Variants in ANK3 observed in about 807,000 individuals in gnomAD.
The protein encoded by ANK3 is ankyrin-3.
A neutral mutation model predicts 370.9 loss-of-function variants in ANK3; 57 were observed. The ratio of observed to expected loss-of-function variants is 0.15; its 90% CI spans 0.12 to 0.19. ANK3 has a LOEUF of 0.19. Ranked by LOEUF, ANK3 falls within the 10% of genes least tolerant of loss-of-function variation. The probability of loss-of-function intolerance (pLI) is 1.00; values close to 1 mark genes in which losing one functional copy is unlikely to be tolerated. For synonymous variants in ANK3, 1,929 were observed against 1,946.3 expected, an observed-to-expected ratio of 0.99 and a Z score of 0.23; for missense variants, 4,439 against 5,302.1, an observed-to-expected ratio of 0.84 and a Z score of 5.06.
intron 2 of ANK3, among the ~76,000 whole-genome samples, chr10:60,471,290 GTATA>G (rs2065213084): frequency 6.6e-6 from 1 of 151,992 alleles, no homozygotes; most frequent in African/African-American, 2.4e-5. Context: ...AAACAAAAAC[GTATA>G]TACACAGATA....
At chr10:60,291,824 C>T (rs1439927942) in intron 1 of ANK3, among the ~76,000 whole-genome samples, 1 of 152,072 alleles carries the variant, frequency 6.6e-6, no homozygotes, top group Non-Finnish European at 1.5e-5. Context: ...GCAATCCTCC[C>T]ACCTTGACCT....
At chr10:60,230,187 T>C (rs2097218444) in intron 8 of ANK3, among the ~76,000 whole-genome samples, 1 of 152,164 alleles carries the variant, frequency 6.6e-6, no homozygotes, top group African/African-American at 2.4e-5. Flanking sequence ...GTCTGTGAAT[T>C]GATGCAGAGC....
intron 2 of ANK3, among the ~76,000 whole-genome samples, chr10:60,475,452 C>T (rs1357203443): frequency 6.6e-6 from 1 of 152,138 alleles, no homozygotes; most frequent in Non-Finnish European, 1.5e-5. Flanking sequence ...GCTCTATAGA[C>T]ATGTTTTAGT....
chr10:60,339,984 A>C (rs2053882005), intron 1 of ANK3, among the ~76,000 whole-genome samples: 1 of 152,232 alleles, frequency 6.6e-6, no homozygotes, highest in Non-Finnish European at 1.5e-5. Flanking sequence ...TGAAATGTGC[A>C]GTGTAGAAGT....
chr10:60,315,512 C>T (rs572582733), intron 1 of ANK3, among the ~76,000 whole-genome samples: 18 of 152,144 alleles, frequency 1.2e-4, no homozygotes, highest in Admixed American at 2.0e-4. Flanking sequence ...AAAGTAAAAA[C>T]GGTCCAGAAT....
intron 2 of ANK3, among the ~76,000 whole-genome samples, chr10:60,497,745 G>A (rs140919689): frequency 2.6e-4 from 40 of 152,084 alleles, no homozygotes; most frequent in East Asian, 1.2e-3. Context: ...GATCCCCTTC[G>A]CAGTTTTAAA....
chr10:60,545,723 AG>A (rs2076948868), intron 2 of ANK3, among the ~76,000 whole-genome samples: 1 of 152,210 alleles, frequency 6.6e-6, no homozygotes, highest in Non-Finnish European at 1.5e-5. Flanking sequence ...AGACATACAG[AG>A]GGCACTATAA....
intron 1 of ANK3, among the ~76,000 whole-genome samples, chr10:60,285,197 A>C (rs1388816170): frequency 6.6e-6 from 1 of 152,160 alleles, no homozygotes; most frequent in South Asian, 2.1e-4. Flanking sequence ...GTCAAATGAG[A>C]ATAAAATAAC....
chr10:60,327,041 G>T (rs558332526), intron 1 of ANK3, among the ~76,000 whole-genome samples: 1 of 149,414 alleles, frequency 6.7e-6, no homozygotes, highest in African/African-American at 2.5e-5. Flanking sequence ...CTCTCTTAAG[G>T]CAGGGACTGG....
At chr10:60,425,131 G>A (rs1031394702) in intron 2 of ANK3, among the ~76,000 whole-genome samples, 6 of 152,028 alleles carry the variant, frequency 3.9e-5, no homozygotes, top group African/African-American at 1.4e-4. Flanking sequence ...AGGGAAGCTG[G>A]AGAGCTGGGT....
At chr10:60,166,354 T>C (rs1300502297) in intron 23 of ANK3, among the ~76,000 whole-genome samples, 1 of 152,112 alleles carries the variant, frequency 6.6e-6, no homozygotes, top group Non-Finnish European at 1.5e-5. Context: ...TCCAGATAAT[T>C]AGTGACACTT....
Position 60,623,709 on chromosome 10 carries a change from A to C in ANK3, c.58-8485T>G, listed in dbSNP as rs189762091. On this transcript the variant is annotated intron_variant, in intron 1 of 43. Coordinates refer to the ANK3 transcript ENST00000373827. ...GAGAGGGAAGTAGATGAAGGACCTCAGCAGTAAGGAATTAACCTTGCCCAA... is the reference window on the plus strand; with the variant it reads ...GAGAGGGAAGTAGATGAAGGACCTCCGCAGTAAGGAATTAACCTTGCCCAA... Among the ~76,000 whole-genome samples, 9 of 152,322 alleles carry C rather than the reference A, an allele frequency of 5.9e-5. No homozygotes were observed. In the East Asian group the frequency reaches 1.7e-3, roughly 29 times the overall value.
At chr10:60,661,232 C>T (rs1588988292) in intron 1 of ANK3, among the ~76,000 whole-genome samples, 1 of 149,248 alleles carries the variant, frequency 6.7e-6, no homozygotes, top group African/African-American at 2.5e-5. Context: ...TGTATACTTG[C>T]CAAAATTACA....
intron 1 of ANK3, among the ~76,000 whole-genome samples, chr10:60,712,648 A>G (rs561181473): frequency 8.7e-4 from 132 of 152,286 alleles, no homozygotes; most frequent in African/African-American, 3.1e-3. Context: ...AAATGCACAA[A>G]TTAAAAGACA....
chr10:60,118,026 A>G (rs927134243), intron 25 of ANK3, among the ~76,000 whole-genome samples: 1 of 152,218 alleles, frequency 6.6e-6, no homozygotes, highest in Non-Finnish European at 1.5e-5. Context: ...AATTCCTGAA[A>G]TGGAGAAAAA....
chr10:60,248,529 C>CAAA (rs59480647), intron 7 of ANK3, among the ~76,000 whole-genome samples: 1 of 151,328 alleles, frequency 6.6e-6, no homozygotes, highest in African/African-American at 2.4e-5. Flanking sequence ...AGTTCTGCTA[C>CAAA]AAAAAAAAGG....
intron 13 of ANK3, among the ~76,000 whole-genome samples, chr10:60,198,989 G>C (rs965689818): frequency 6.6e-6 from 1 of 152,214 alleles, no homozygotes; most frequent in African/African-American, 2.4e-5. Flanking sequence ...GAGGAAGGCA[G>C]TGTGGGGTTG....
chr10:60,125,231 T>G (rs189357111), intron 25 of ANK3, among the ~76,000 whole-genome samples: 1 of 152,300 alleles, frequency 6.6e-6, no homozygotes, highest in Admixed American at 6.5e-5. Context: ...GAATAGCATA[T>G]AAAGAAATTT....
intron 2 of ANK3, among the ~76,000 whole-genome samples, chr10:60,597,993 C>A (rs1422449282): frequency 1.3e-5 from 2 of 152,078 alleles, no homozygotes; most frequent in Non-Finnish European, 2.9e-5. Context: ...TAAGGTGATG[C>A]TAAAGAATAT....
Sources: allele counts gnomAD v4.1 joint callset (sites outside exome capture counted in the v4.1 genomes callset), GRCh38; gene constraint gnomAD v4.1.1; transcripts MANE v1.5; gene names NCBI Gene and HGNC (gene_info 2026-07-23, HGNC 2026-07-21).